EDN1: variants seen among roughly 807,000 people sequenced by gnomAD.
The protein encoded by EDN1 is endothelin-1.
In EDN1, 11 loss-of-function variants were observed where a neutral mutation model predicts 21.7. The ratio of observed to expected loss-of-function variants is 0.51; its 90% CI spans 0.32 to 0.84. The LOEUF is 0.84. Ranked by LOEUF, EDN1 falls within the 40% of genes least tolerant of loss-of-function variation. The pLI is 0.03. For missense variants in EDN1, 244 were observed against 262.3 expected, an observed-to-expected ratio of 0.93 and a Z score of 0.48; for synonymous variants, 85 against 90.6, an observed-to-expected ratio of 0.94 and a Z score of 0.35.
upstream of EDN1, among the ~76,000 whole-genome samples, chr6:12,287,135 G>GA (rs34431567): frequency 7.5e-4 from 108 of 144,084 alleles, no homozygotes; most frequent in African/African-American, 2.3e-3. Flanking sequence ...TTAAAATTGA[G>GA]AAAAAAAAAA....
chr6:12,275,497 AT>A, the EDN1 span, among the ~76,000 whole-genome samples: 2 of 152,038 alleles, frequency 1.3e-5, no homozygotes, highest in Non-Finnish European at 2.9e-5. Context: ...CCAAAATTTA[AT>A]TTTTCCCCAA....
the EDN1 span, among the ~76,000 whole-genome samples, chr6:12,233,031 GA>G: frequency 6.6e-6 from 1 of 152,194 alleles, no homozygotes; most frequent in Non-Finnish European, 1.5e-5. Flanking sequence ...AACAATCTTA[GA>G]GCTAATCCTT....
intron 4 of EDN1, among the ~76,000 whole-genome samples, chr6:12,294,920 CT>C (rs61701314): frequency 4.2e-4 from 45 of 107,626 alleles, no homozygotes; most frequent in South Asian, 1.4e-3. Context: ...GGTTTATGGT[CT>C]TTTTTTTTTT....
chr6:12,286,984 G>T (rs1224122440), upstream of EDN1, among the ~76,000 whole-genome samples: 1 of 152,098 alleles, frequency 6.6e-6, no homozygotes, highest in Non-Finnish European at 1.5e-5. Flanking sequence ...GGGCATGGTG[G>T]CTTGAGCCTG....
the EDN1 span, among the ~76,000 whole-genome samples, chr6:12,265,518 CT>C: frequency 6.6e-6 from 1 of 152,154 alleles, no homozygotes; most frequent in East Asian, 1.9e-4. Context: ...AGGGTTGCCC[CT>C]GTGAAGATAG....
At chr6:12,278,639 C>G in the EDN1 span, among the ~76,000 whole-genome samples, 1 of 152,176 alleles carries the variant, frequency 6.6e-6, no homozygotes, top group Non-Finnish European at 1.5e-5. Flanking sequence ...TACCTGTAAT[C>G]CCAGCACTTT....
the EDN1 span, among the ~76,000 whole-genome samples, chr6:12,283,940 A>G: frequency 6.6e-6 from 1 of 152,164 alleles, no homozygotes; most frequent in Non-Finnish European, 1.5e-5. Flanking sequence ...CTCTTTCTCA[A>G]GTTGCTTTGT....
chr6:12,293,251 A>C (rs1206741072), intron 2 of EDN1, among the ~76,000 whole-genome samples: 1 of 152,238 alleles, frequency 6.6e-6, no homozygotes, highest in African/African-American at 2.4e-5. Context: ...AACAATATCA[A>C]ACCACACCAA....
the EDN1 span, among the ~76,000 whole-genome samples, chr6:12,242,316 T>G: frequency 6.6e-6 from 1 of 152,176 alleles, no homozygotes; most frequent in Non-Finnish European, 1.5e-5. Flanking sequence ...CTCGCCTGAT[T>G]GCAAGGACCA....
In EDN1 at chr6:12,292,382, G is replaced by A. The variant is rs183694577; in HGVS notation, c.106G>A (p.Gly36Arg). 2.2e-4 allele frequency: 362 copies of A among 1,613,956 alleles called. 3 individuals are homozygous for A. The East Asian group carries it at 6.6e-3, about 29-fold the overall frequency. ...GCTCAGCGCGGTGGGTGAGAACGGC[G>A]GGGAGAAACCCACTCCCAGTCCACC... ...AELSAVGENG[G>R]EKPTPSPPWR... Residue 36 changes from glycine to arginine, a missense_variant, in exon 2 of 5, where the codon GGG becomes AGG. Physicochemically the swap from Gly to Arg is moderately radical, Grantham distance 125 (BLOSUM62 -2). Transcript: ENST00000379375.
chr6:12,274,009 G>A, the EDN1 span, among the ~76,000 whole-genome samples: 26 of 152,204 alleles, frequency 1.7e-4, no homozygotes, highest in South Asian at 1.2e-3. Flanking sequence ...TGGCTTCCAC[G>A]TCATCTGGAA....
At chr6:12,261,915 T>G in the EDN1 span, among the ~76,000 whole-genome samples, 1 of 152,008 alleles carries the variant, frequency 6.6e-6, no homozygotes, top group Non-Finnish European at 1.5e-5. Flanking sequence ...GAGAGAGGGG[T>G]CGCCAGAATT....
At chr6:12,286,605 A>G (rs9380978), upstream of EDN1, among the ~76,000 whole-genome samples, 30,986 of 152,132 alleles carry the variant, frequency 0.2, 3,409 homozygotes, top group South Asian at 0.34. Flanking sequence ...CTCATACCAA[A>G]TTTATTGGCT....
the EDN1 span, among the ~76,000 whole-genome samples, chr6:12,280,152 G>T: frequency 1.3e-5 from 2 of 152,088 alleles, no homozygotes; most frequent in Admixed American, 6.5e-5. Context: ...ATAAGAGAAA[G>T]GAAAAGCTAG....
At chr6:12,235,552 G>A in the EDN1 span, among the ~76,000 whole-genome samples, 2 of 152,178 alleles carry the variant, frequency 1.3e-5, no homozygotes, top group African/African-American at 4.8e-5. Context: ...GTAATGCCAA[G>A]ACAGTGCCTG....
chr6:12,247,760 A>G, the EDN1 span, among the ~76,000 whole-genome samples: 5 of 152,096 alleles, frequency 3.3e-5, no homozygotes, highest in South Asian at 1.0e-3. Flanking sequence ...GCTGGTCTCA[A>G]TCTCCTGACC....
Position 12,290,633 on chromosome 6 carries a change from G to A in EDN1, c.4G>A (p.Asp2Asn). The part of the protein sequence containing the change: M[D>N]YLLMIFSLLF... ...TTTTTGATCCCTTTTTTTCAGAATG[G>A]ATTATTTGCTCATGATTTTCTCTCT... Residue 2 changes from aspartate (D) to asparagine (N), a missense_variant, in exon 1 of 5, where the codon GAT (aspartate) becomes AAT (asparagine). By Grantham distance (23) the Asp-to-Asn change is conservative. Transcript: ENST00000379375. The A allele has an allele frequency of 6.2e-7, 1 of 1,614,154 alleles. No homozygotes were observed. Among genetic ancestry groups the A allele is most frequent in the South Asian group, 1.1e-5 (1 of 91,078 alleles).
chr6:12,286,166 A>T (rs1488501304), upstream of EDN1, among the ~76,000 whole-genome samples: 3 of 152,244 alleles, frequency 2.0e-5, no homozygotes, highest in Admixed American at 2.0e-4. Context: ...ACTTTGGGAA[A>T]TGCTAGATTA....
the EDN1 span, among the ~76,000 whole-genome samples, chr6:12,243,295 A>G: frequency 5.9e-5 from 6 of 101,850 alleles, no homozygotes; most frequent in African/African-American, 2.4e-4. Context: ...AAAGAGGAGG[A>G]GGAGGAGGAG....
Sources: gnomAD v4.1 joint callset for allele counts (sites outside exome capture counted in the v4.1 genomes callset) on GRCh38, gnomAD v4.1.1 for gene constraint, MANE v1.5 for transcripts, NCBI Gene and HGNC (gene_info 2026-07-23, HGNC 2026-07-21) for gene names.